Variants in BBS9 observed in about 807,000 individuals in gnomAD.
BBS9 encodes the protein Bardet-Biedl syndrome 9.
Under a neutral mutation model 117.7 loss-of-function variants are expected in BBS9, and 89 were observed. The observed-to-expected ratio is 0.76, with a 90% confidence interval of 0.64 to 0.90. The LOEUF (loss-of-function observed/expected upper bound fraction) is 0.90. Among genes scored for constraint, BBS9 ranks in the 40% least tolerant of loss-of-function variants. BBS9 has a pLI of 0.00. For synonymous variants in BBS9, 379 were observed against 370.9 expected, an observed-to-expected ratio of 1.02 and a Z score of -0.25; for missense variants, 982 against 1,042.2, an observed-to-expected ratio of 0.94 and a Z score of 0.80.
intron 19 of BBS9, among the ~76,000 whole-genome samples, chr7:33,405,322 C>T (rs1008146732): frequency 1.3e-5 from 2 of 152,110 alleles, no homozygotes; most frequent in African/African-American, 4.8e-5. Flanking sequence ...GGTTGTGTCT[C>T]TGCCCGGCTT....
At position 33,439,615 on chromosome 7, in the gene BBS9, G is replaced by A. The variant is rs776109255; in HGVS notation, c.2115+51471G>A. On this transcript the variant is annotated intron_variant, in intron 19 of 22. Transcript: ENST00000242067. ...GCAGTCTTGGCTAACTGCAACCTCC[G>A]TCTCCCAGGTTCAAGCGATTCTCCT... Among the ~76,000 whole-genome samples the A allele has an allele frequency of 5.5e-5, 8 of 146,304 alleles. No individual in the cohort carries two copies. The East Asian group carries it at 1.4e-3, about 26-fold the overall frequency.
At chr7:33,445,259 G>A (rs117539940) in intron 19 of BBS9, among the ~76,000 whole-genome samples, 1,663 of 152,284 alleles carry the variant, frequency 0.011, 15 homozygotes, top group Middle Eastern at 0.054. Context: ...AGATTGAACT[G>A]TGCTAATATT....
chr7:33,527,107 T>C (rs1168993487), intron 20 of BBS9, among the ~76,000 whole-genome samples: 2 of 151,982 alleles, frequency 1.3e-5, no homozygotes, highest in African/African-American at 4.8e-5. Context: ...CTGCCTCTTC[T>C]CAGATCTCCA....
At chr7:33,571,784 A>G (rs1216246843) in intron 21 of BBS9, among the ~76,000 whole-genome samples, 1 of 152,052 alleles carries the variant, frequency 6.6e-6, no homozygotes, top group Non-Finnish European at 1.5e-5. Flanking sequence ...TTTTCAATAT[A>G]AATGTTTAAT....
chr7:33,372,127 AG>A (rs984362271), intron 17 of BBS9, among the ~76,000 whole-genome samples: 2 of 152,176 alleles, frequency 1.3e-5, no homozygotes, highest in Non-Finnish European at 2.9e-5. Context: ...GGGAAAAAAA[AG>A]GTAGTGGTCA....
intron 1 of BBS9, among the ~76,000 whole-genome samples, chr7:33,133,804 C>G (rs1790002304): frequency 6.6e-6 from 1 of 152,088 alleles, no homozygotes; most frequent in Admixed American, 6.6e-5. Flanking sequence ...TTTCATTGCC[C>G]TTGGATAGAT....
rs565317711 is a variant in BBS9, at chr7:33,431,423, C to G, written c.2115+43279C>G. ...GTGATCTGAATGTTTGTGCCCTTCCCACCAACCCCAAATTCATATATTGAA... is the reference window on the plus strand; with the variant it reads ...GTGATCTGAATGTTTGTGCCCTTCCGACCAACCCCAAATTCATATATTGAA... On this transcript the variant is annotated intron_variant, in intron 19 of 22. Coordinates refer to ENST00000242067, the MANE Select transcript of BBS9 (RefSeq NM_198428.3). 7.2e-5 allele frequency among the ~76,000 whole-genome samples: 11 copies of G among 152,232 alleles called. No individual in the cohort carries two copies. In the East Asian group the frequency reaches 2.1e-3, roughly 29 times the overall value.
At chr7:33,294,307 A>G (rs544108372) in intron 9 of BBS9, among the ~76,000 whole-genome samples, 2 of 88,164 alleles carry the variant, frequency 2.3e-5, no homozygotes, top group African/African-American at 1.2e-4. Context: ...CTATCTATCT[A>G]TCTATCTATC....
chr7:33,544,685 G>A (rs541390420), intron 21 of BBS9, among the ~76,000 whole-genome samples: 7 of 152,292 alleles, frequency 4.6e-5, no homozygotes, highest in African/African-American at 1.7e-4. Flanking sequence ...GCCAGGAGGT[G>A]GTACTTTCCA....
chr7:33,535,551 T>A (rs1187835074), intron 21 of BBS9, among the ~76,000 whole-genome samples: 3 of 152,206 alleles, frequency 2.0e-5, no homozygotes, highest in Non-Finnish European at 4.4e-5. Context: ...GAGAAATAGT[T>A]CTGACATTGT....
At chr7:33,220,584 A>C (rs889050052) in intron 5 of BBS9, among the ~76,000 whole-genome samples, 3 of 152,238 alleles carry the variant, frequency 2.0e-5, no homozygotes, top group African/African-American at 7.2e-5. Context: ...GAGCACGCTT[A>C]TGTTTATGAA....
chr7:33,214,322 GCACAGA>G (rs1292869410), intron 5 of BBS9, among the ~76,000 whole-genome samples: 1 of 152,080 alleles, frequency 6.6e-6, no homozygotes, highest in Non-Finnish European at 1.5e-5. Context: ...TCCATGAAGT[GCACAGA>G]CTCTACACTG....
chr7:33,359,706 G>T (rs1185758802), intron 16 of BBS9, among the ~76,000 whole-genome samples: 1 of 151,630 alleles, frequency 6.6e-6, no homozygotes, highest in Non-Finnish European at 1.5e-5. Context: ...TTCTGTGTCT[G>T]TTTTTTTTAA....
chr7:33,463,489 C>T, intron 19 of BBS9, among the ~76,000 whole-genome samples: 1 of 151,866 alleles, frequency 6.6e-6, no homozygotes, highest in African/African-American at 2.4e-5. Context: ...TACAATGATC[C>T]CTTCCAGTCT....
intron 17 of BBS9, among the ~76,000 whole-genome samples, chr7:33,381,761 A>C (rs935514082): frequency 6.6e-6 from 1 of 152,148 alleles, no homozygotes; most frequent in Non-Finnish European, 1.5e-5. Flanking sequence ...GTGAAGCTTC[A>C]AGGAGAATGG....
chr7:33,616,270 A>G (rs934294163), intron 21 of BBS9, among the ~76,000 whole-genome samples: 2 of 150,996 alleles, frequency 1.3e-5, no homozygotes, highest in Non-Finnish European at 3.0e-5. Flanking sequence ...ACATATATAC[A>G]TACACGTAGT....
At chr7:33,240,745 A>G (rs1395674590) in intron 5 of BBS9, among the ~76,000 whole-genome samples, 1 of 152,206 alleles carries the variant, frequency 6.6e-6, no homozygotes, top group African/African-American at 2.4e-5. Context: ...GGAACACAGT[A>G]TATCTTATTT....
chr7:33,344,681 T>G, intron 12 of BBS9, 47 bp downstream of exon 12: 1 of 1,539,940 alleles, frequency 6.5e-7, no homozygotes. Flanking sequence ...ATATGATTTA[T>G]TTCATTACAT....
chr7:33,570,631 T>C (rs1285253012), intron 21 of BBS9, among the ~76,000 whole-genome samples: 1 of 152,198 alleles, frequency 6.6e-6, no homozygotes, highest in African/African-American at 2.4e-5. Context: ...AATATATTTA[T>C]TAATTTTAAG....
Sources: allele counts gnomAD v4.1 joint callset (sites outside exome capture counted in the v4.1 genomes callset), GRCh38; gene constraint gnomAD v4.1.1; transcripts MANE v1.5; gene names NCBI Gene and HGNC (gene_info 2026-07-23, HGNC 2026-07-21).